Variants in CREBL2 observed in about 807,000 individuals in gnomAD.
CREBL2 encodes the protein cAMP responsive element binding protein like 2.
In CREBL2, 4 loss-of-function variants were observed where a neutral mutation model predicts 19.5. The observed-to-expected ratio is 0.20, with a 90% CI of 0.10 to 0.47. CREBL2 has a LOEUF of 0.47. Among genes scored for constraint, CREBL2 ranks in the 20% least tolerant of loss-of-function variants. The pLI is 0.98. For synonymous variants in CREBL2, 42 were observed against 46.6 expected (o/e 0.90, Z 0.40); for missense variants, 85 against 145.1 (o/e 0.59, Z 2.13).
chr12:12,617,280 A>G (rs1945317793), intron 1 of CREBL2, among the ~76,000 whole-genome samples: 1 of 152,168 alleles, frequency 6.6e-6, no homozygotes, highest in East Asian at 1.9e-4. Flanking sequence ...GCCAGCACAT[A>G]CTTACAATGG....
At chr12:12,613,455 A>G (rs1945283581) in intron 1 of CREBL2, among the ~76,000 whole-genome samples, 1 of 152,128 alleles carries the variant, frequency 6.6e-6, no homozygotes, top group African/African-American at 2.4e-5. Flanking sequence ...TGTTTCACAT[A>G]TCCTCAGAGA....
chr12:12,622,447 C>T (rs960271194), intron 1 of CREBL2, among the ~76,000 whole-genome samples: 4 of 152,082 alleles, frequency 2.6e-5, no homozygotes, highest in Non-Finnish European at 5.9e-5. Flanking sequence ...AGGTCAGTGA[C>T]GTAAGAGAAC....
Position 12,612,122 on chromosome 12 carries a change from G to A in CREBL2, c.-51G>A, listed in dbSNP as rs759743. ...GGGGCCGGGCCAGGCCGGCTGAGCC[G>A]GGGGAGGGCTCCGGGAGGGAGTGCC... On this transcript the variant is annotated 5_prime_UTR_variant, in exon 1 of 4. Coordinates refer to ENST00000228865, the MANE Select transcript of CREBL2 (RefSeq NM_001310.4). The A allele has an allele frequency of 6.2e-7, 1 of 1,605,608 alleles. No individual in the cohort carries two copies. Among genetic ancestry groups the A allele is most frequent in the Non-Finnish European group, 8.5e-7 (1 of 1,177,882 alleles).
At chr12:12,626,381 T>C (rs1945402091) in intron 1 of CREBL2, among the ~76,000 whole-genome samples, 1 of 152,110 alleles carries the variant, frequency 6.6e-6, no homozygotes, top group Non-Finnish European at 1.5e-5. Context: ...TTAAATCCAG[T>C]TTTATCTTAA....
At chr12:12,641,253 A>ATTATTATTTTTT (rs1478394376) in intron 3 of CREBL2, among the ~76,000 whole-genome samples, 4 of 78,244 alleles carry the variant, frequency 5.1e-5, no homozygotes, top group African/African-American at 9.6e-5. Context: ...TATTATTATT[A>ATTATTATTTTTT]TTTTTTTTTA....
Position 12,642,252 on chromosome 12 carries a change from T to C in CREBL2, c.*254T>C, listed in dbSNP as rs1945528459. On this transcript the variant is annotated 3_prime_UTR_variant, in exon 4 of 4. Transcript: ENST00000228865. ...GCCACCCATGACATTTAACATGTTG[T>C]GATGCTTGAAAACACAGGAGTAGAG... is the stretch of plus-strand genomic sequence containing the variant. The C allele has an allele frequency of 8.7e-6, 3 of 345,836 alleles. No homozygotes were observed. The East Asian group carries it at 1.3e-4, about 14-fold the overall frequency. The allele number at this position is 345,836 out of a possible 1,614,324, so 21.4% of individuals were successfully genotyped here.
rs1351250316 is a variant in CREBL2, at chr12:12,642,649, CA to C, written c.*652del. ...TAACATACATATTAACAATATCTAT[CA>C]GGAAAACCCTCAAGACAGCTTCTAG... is the stretch of plus-strand genomic sequence containing the variant. On this transcript the variant is annotated 3_prime_UTR_variant, in exon 4 of 4. Transcript: ENST00000228865. The C allele has an allele frequency of 6.6e-6, 1 of 152,208 alleles. No homozygotes were observed. The highest frequency in any genetic ancestry group is 6.5e-5 in the Admixed American group (1 of 15,278). The allele number at this position is 152,208 out of a possible 1,614,324, so 9.4% of individuals were successfully genotyped here.
At chr12:12,617,277 C>T (rs1488606898) in intron 1 of CREBL2, among the ~76,000 whole-genome samples, 1 of 152,158 alleles carries the variant, frequency 6.6e-6, no homozygotes, top group Non-Finnish European at 1.5e-5. Context: ...CCAGCCAGCA[C>T]ATACTTACAA....
At chr12:12,639,669 G>A (rs1945502803) in intron 3 of CREBL2, among the ~76,000 whole-genome samples, 2 of 152,082 alleles carry the variant, frequency 1.3e-5, no homozygotes, top group Admixed American at 6.6e-5. Flanking sequence ...AGTTCTATTG[G>A]GGGAACCTGC....
intron 1 of CREBL2, among the ~76,000 whole-genome samples, chr12:12,622,406 A>G (rs1296406393): frequency 6.6e-6 from 1 of 152,214 alleles, no homozygotes; most frequent in Non-Finnish European, 1.5e-5. Flanking sequence ...ATTCTTGAAG[A>G]ATAGGACTCA....
intron 1 of CREBL2, among the ~76,000 whole-genome samples, chr12:12,620,917 T>C (rs748542508): frequency 5.9e-5 from 9 of 152,164 alleles, no homozygotes; most frequent in African/African-American, 9.7e-5. Context: ...CAAAGTTCTT[T>C]TGGGGCAGTA....
intron 1 of CREBL2, among the ~76,000 whole-genome samples, chr12:12,621,957 A>G (rs2136301164): frequency 6.6e-6 from 1 of 152,358 alleles, no homozygotes; most frequent in African/African-American, 2.4e-5. Flanking sequence ...GAACTGGGAC[A>G]AGACCAGAGG....
chr12:12,632,811 T>C (rs1945450578), intron 1 of CREBL2, among the ~76,000 whole-genome samples: 1 of 151,946 alleles, frequency 6.6e-6, no homozygotes, highest in Admixed American at 6.5e-5. Flanking sequence ...TAATTTTAAA[T>C]TTAACCCATT....
chr12:12,613,859 G>A (rs1311821913), intron 1 of CREBL2, among the ~76,000 whole-genome samples: 1 of 150,982 alleles, frequency 6.6e-6, no homozygotes, highest in Admixed American at 6.6e-5. Flanking sequence ...TTGGGGAAGT[G>A]GTATTTCCAA....
At chr12:12,633,456 A>T (rs1945454877) in intron 1 of CREBL2, among the ~76,000 whole-genome samples, 1 of 152,142 alleles carries the variant, frequency 6.6e-6, no homozygotes, top group Non-Finnish European at 1.5e-5. Flanking sequence ...AACAAACAAA[A>T]AACATGACGA....
chr12:12,641,253 A>ATTATTTTTTTTT (rs1478394376), intron 3 of CREBL2, among the ~76,000 whole-genome samples: 13 of 78,240 alleles, frequency 1.7e-4, no homozygotes, highest in Admixed American at 2.9e-4. Context: ...TATTATTATT[A>ATTATTTTTTTTT]TTTTTTTTTA....
rs138549600 is a variant in CREBL2 at position 12,641,753 on chromosome 12, G to A, written c.359-241G>A. ...CTCCACCACTATACAATTCACCCAC[G>A]TAACCAAAAACCACTTCTACCCCAA... is the stretch of plus-strand genomic sequence containing the variant. On this transcript the variant is annotated intron_variant, in intron 3 of 3. Transcript: ENST00000228865. Among the ~76,000 whole-genome samples, 1,075 of 151,986 alleles carry A rather than the reference G, an allele frequency of 7.1e-3. 7 individuals are homozygous for A. Among genetic ancestry groups the A allele is most frequent in the South Asian group, 0.055 (263 of 4,822 alleles).
intron 1 of CREBL2, among the ~76,000 whole-genome samples, chr12:12,615,263 G>C (rs1031980794): frequency 6.6e-6 from 1 of 152,086 alleles, no homozygotes; most frequent in Non-Finnish European, 1.5e-5. Context: ...TGTTGGCCAG[G>C]CTGGTCTCGA....
chr12:12,620,754 A>T (rs1945352950), intron 1 of CREBL2, among the ~76,000 whole-genome samples: 1 of 152,266 alleles, frequency 6.6e-6, no homozygotes, highest in African/African-American at 2.4e-5. Context: ...CATTTGTTGG[A>T]CACCTGATAT....
Sources: gnomAD v4.1 joint callset for allele counts (sites outside exome capture counted in the v4.1 genomes callset) on GRCh38, gnomAD v4.1.1 for gene constraint, MANE v1.5 for transcripts, NCBI Gene and HGNC (gene_info 2026-07-23, HGNC 2026-07-21) for gene names.